SMYD3: variants seen among roughly 807,000 people sequenced by gnomAD.
SMYD3 encodes histone-lysine N-methyltransferase SMYD3.
In SMYD3, 36 loss-of-function variants were observed where a neutral mutation model predicts 57.7. The ratio of observed to expected loss-of-function variants is 0.62; its 90% CI spans 0.48 to 0.82. The LOEUF is 0.82. Ranked by LOEUF, SMYD3 falls within the 40% of genes least tolerant of loss-of-function variation. SMYD3 has a pLI of 0.00. For missense variants in SMYD3, 515 were observed against 538.8 expected, an observed-to-expected ratio of 0.96 and a Z score of 0.44; for synonymous variants, 211 against 195.0, an observed-to-expected ratio of 1.08 and a Z score of -0.68.
intron 5 of SMYD3, among the ~76,000 whole-genome samples, chr1:246,194,272 GTT>G (rs372181316): frequency 8.2e-4 from 119 of 144,380 alleles, no homozygotes; most frequent in Admixed American, 1.1e-3. Flanking sequence ...GGGTTTTTTT[GTT>G]TTTTTTTTTT....
intron 5 of SMYD3, among the ~76,000 whole-genome samples, chr1:246,154,561 T>C (rs556938087): frequency 6.6e-6 from 1 of 152,154 alleles, no homozygotes; most frequent in Non-Finnish European, 1.5e-5. Flanking sequence ...AACAGTAGAA[T>C]AGTAATTAAC....
chr1:245,857,381 C>T (rs1198748030), intron 10 of SMYD3, among the ~76,000 whole-genome samples: 1 of 143,118 alleles, frequency 7.0e-6, no homozygotes, highest in Admixed American at 7.0e-5. Flanking sequence ...TATCCTAGAC[C>T]CTGGACTCAC....
intron 10 of SMYD3, among the ~76,000 whole-genome samples, chr1:245,831,093 G>A (rs913473362): frequency 4.6e-5 from 7 of 152,146 alleles, no homozygotes; most frequent in African/African-American, 1.4e-4. Context: ...TTGGACTTCA[G>A]AAATCCGGTT....
At chr1:246,343,551 AG>A in intron 2 of SMYD3, among the ~76,000 whole-genome samples, 1 of 152,222 alleles carries the variant, frequency 6.6e-6, no homozygotes, top group Non-Finnish European at 1.5e-5. Context: ...AATTCCAGAA[AG>A]GATCTAGAAT....
intron 5 of SMYD3, among the ~76,000 whole-genome samples, chr1:246,309,283 T>C (rs2065035963): frequency 6.6e-6 from 1 of 152,132 alleles, no homozygotes; most frequent in African/African-American, 2.4e-5. Flanking sequence ...CATTATGCCA[T>C]GGATGGGAAA....
intron 5 of SMYD3, among the ~76,000 whole-genome samples, chr1:246,114,833 T>C (rs944807827): frequency 6.6e-6 from 1 of 152,232 alleles, no homozygotes; most frequent in African/African-American, 2.4e-5. Context: ...GGTTTCACCA[T>C]GTTGGCCAGG....
At chr1:246,051,396 T>C (rs1430087536) in intron 5 of SMYD3, among the ~76,000 whole-genome samples, 2 of 152,114 alleles carry the variant, frequency 1.3e-5, no homozygotes, top group East Asian at 3.9e-4. Context: ...GCTGGGATTA[T>C]AGACATGAGC....
At chr1:246,152,280 G>A (rs142623413) in intron 5 of SMYD3, among the ~76,000 whole-genome samples, 1 of 152,176 alleles carries the variant, frequency 6.6e-6, no homozygotes, top group Non-Finnish European at 1.5e-5. Context: ...GGAGGGAAGA[G>A]AGTGTTTGTT....
chr1:246,137,048 T>C (rs576720237), intron 5 of SMYD3, among the ~76,000 whole-genome samples: 3 of 152,116 alleles, frequency 2.0e-5, no homozygotes, highest in South Asian at 2.1e-4. Flanking sequence ...AGCTAAGCAA[T>C]TGGGTTGTTG....
chr1:246,438,840 G>A (rs1005526323), intron 1 of SMYD3, among the ~76,000 whole-genome samples: 1 of 151,226 alleles, frequency 6.6e-6, no homozygotes, highest in Admixed American at 6.6e-5. Flanking sequence ...GTGCAACCTA[G>A]ATCCCTCACA....
intron 5 of SMYD3, among the ~76,000 whole-genome samples, chr1:246,215,760 T>C (rs967450197): frequency 6.6e-6 from 1 of 152,118 alleles, no homozygotes; most frequent in African/African-American, 2.4e-5. Flanking sequence ...AATGTCACTT[T>C]CCTTTTTTAA....
At chr1:245,811,991 C>G (rs1376887476) in intron 10 of SMYD3, among the ~76,000 whole-genome samples, 1 of 152,164 alleles carries the variant, frequency 6.6e-6, no homozygotes, top group Non-Finnish European at 1.5e-5. Flanking sequence ...GAAGATGGTC[C>G]TCTTTCTTTG....
At chr1:246,239,494 T>C (rs1045446399) in intron 5 of SMYD3, among the ~76,000 whole-genome samples, 10 of 152,228 alleles carry the variant, frequency 6.6e-5, no homozygotes, top group Non-Finnish European at 1.0e-4. Context: ...ATCCAGTCTA[T>C]GGACACTTGG....
chr1:246,128,348 C>A (rs1030530194), intron 5 of SMYD3, among the ~76,000 whole-genome samples: 1 of 152,084 alleles, frequency 6.6e-6, no homozygotes, highest in African/African-American at 2.4e-5. Flanking sequence ...GAATATATTT[C>A]TATGAGGGGA....
chr1:246,212,731 T>C (rs1212295452), intron 5 of SMYD3, among the ~76,000 whole-genome samples: 4 of 152,164 alleles, frequency 2.6e-5, no homozygotes, highest in African/African-American at 9.7e-5. Flanking sequence ...CCCAAGCATT[T>C]TTAGACCAGC....
At chr1:246,169,395 A>AAC (rs1553304440) in intron 5 of SMYD3, among the ~76,000 whole-genome samples, 2 of 148,908 alleles carry the variant, frequency 1.3e-5, no homozygotes, top group Non-Finnish European at 3.0e-5. Context: ...AAAAAAAAAA[A>AAC]AAAAAAAAAC....
chr1:245,767,134 G>C (rs993200592), intron 10 of SMYD3, among the ~76,000 whole-genome samples: 2 of 152,172 alleles, frequency 1.3e-5, no homozygotes, highest in African/African-American at 4.8e-5. Flanking sequence ...GTAGAGCAGG[G>C]ATGGGGAGAG....
At chr1:245,953,237 T>C in intron 5 of SMYD3, 1 of 999,682 alleles carries the variant, frequency 1.0e-6, no homozygotes, top group South Asian at 4.7e-5. Flanking sequence ...TTACCTTTTC[T>C]TCTTCTTCTT....
At chr1:245,956,420 G>C (rs1263264755) in intron 5 of SMYD3, among the ~76,000 whole-genome samples, 2 of 152,246 alleles carry the variant, frequency 1.3e-5, no homozygotes, top group Admixed American at 6.5e-5. Flanking sequence ...CAGTGGACAG[G>C]CAGGAAATAA....
Sources: gnomAD v4.1 joint callset for allele counts (sites outside exome capture counted in the v4.1 genomes callset) on GRCh38, gnomAD v4.1.1 for gene constraint, MANE v1.5 for transcripts, NCBI Gene and HGNC (gene_info 2026-07-23, HGNC 2026-07-21) for gene names.